PLCG2: variants seen among roughly 807,000 people sequenced by gnomAD.
PLCG2 encodes the protein phospholipase C gamma 2, also known as 1-phosphatidylinositol 4,5-bisphosphate phosphodiesterase gamma-2.
A neutral mutation model predicts 175.6 loss-of-function variants in PLCG2; 69 were observed. The ratio of observed to expected loss-of-function variants is 0.39; its 90% CI spans 0.32 to 0.48. The LOEUF is 0.48. Among genes scored for constraint, PLCG2 ranks in the 20% least tolerant of loss-of-function variants. The probability of loss-of-function intolerance (pLI) is 0.91; values close to 1 mark genes in which losing one functional copy is unlikely to be tolerated. For missense variants in PLCG2, 1,798 were observed against 1,650.9 expected (o/e 1.09, Z -1.54); for synonymous variants, 827 against 624.0 (o/e 1.33, Z -4.85).
At chr16:81,881,770 A>T (rs1193480885) in intron 8 of PLCG2, among the ~76,000 whole-genome samples, 1 of 151,758 alleles carries the variant, frequency 6.6e-6, no homozygotes, top group Non-Finnish European at 1.5e-5. Flanking sequence ...TCATCCTCCG[A>T]ATAGCTGGGA....
At chr16:81,744,531 C>A (rs1353714023) in intron 1 of PLCG2, among the ~76,000 whole-genome samples, 1 of 152,138 alleles carries the variant, frequency 6.6e-6, no homozygotes, top group Non-Finnish European at 1.5e-5. Flanking sequence ...CAAAAAAATT[C>A]CAAATCTTTT....
At chr16:81,778,019 A>AC (rs1164798341), upstream of PLCG2, among the ~76,000 whole-genome samples, 8 of 67,324 alleles carry the variant, frequency 1.2e-4, 2 homozygotes, top group African/African-American at 5.5e-4. Flanking sequence ...TTTGTCTCAA[A>AC]AAAAAAAAAA....
intron 30 of PLCG2, among the ~76,000 whole-genome samples, chr16:81,940,823 A>G (rs1202545309): frequency 1.3e-5 from 2 of 152,200 alleles, no homozygotes; most frequent in African/African-American, 4.8e-5. Flanking sequence ...TAGTTTCTCT[A>G]GTTTACTTTC....
chr16:81,761,191 C>G (rs1420622557), intron 2 of PLCG2, among the ~76,000 whole-genome samples: 1 of 152,066 alleles, frequency 6.6e-6, no homozygotes, highest in Non-Finnish European at 1.5e-5. Context: ...GCCACTTGCG[C>G]CCAGCTACAA....
intron 2 of PLCG2, among the ~76,000 whole-genome samples, chr16:81,806,607 C>G (rs1197469845): frequency 6.6e-6 from 1 of 151,876 alleles, no homozygotes; most frequent in African/African-American, 2.4e-5. Flanking sequence ...CATAGGATAG[C>G]CTGCAGACAT....
chr16:81,744,575 C>G (rs1909666533), intron 1 of PLCG2, among the ~76,000 whole-genome samples: 2 of 146,722 alleles, frequency 1.4e-5, no homozygotes, highest in African/African-American at 2.5e-5. Context: ...GATGGTGAAG[C>G]TGGTGGGGAT....
At chr16:81,869,809 G>A (rs1437705404) in intron 6 of PLCG2, among the ~76,000 whole-genome samples, 3 of 152,206 alleles carry the variant, frequency 2.0e-5, no homozygotes, top group Non-Finnish European at 2.9e-5. Flanking sequence ...TTATTGGTGG[G>A]TCTGGGCAGT....
At chr16:81,749,168 G>T (rs946525906) in intron 1 of PLCG2, among the ~76,000 whole-genome samples, 1 of 152,084 alleles carries the variant, frequency 6.6e-6, no homozygotes, top group Non-Finnish European at 1.5e-5. Context: ...TACTGGTTGG[G>T]TGGTTTATTT....
At chr16:81,745,111 G>A (rs763440574) in intron 1 of PLCG2, among the ~76,000 whole-genome samples, 13 of 152,176 alleles carry the variant, frequency 8.5e-5, no homozygotes, top group Admixed American at 4.6e-4. Flanking sequence ...CTCCAGCAAC[G>A]GGGCTGGGTT....
In PLCG2 at chr16:81,938,871, G is replaced by T; in HGVS notation, c.3269G>T (p.Cys1090Phe). 6.2e-7 allele frequency: 1 copy of T among 1,611,374 alleles called. No homozygotes were observed. The highest frequency in any genetic ancestry group is 8.5e-7 in the Non-Finnish European group (1 of 1,178,832). ...IACPFVEVEI[C>F]GAEYDNNKFK... ...TGTCCCTTTGTAGAAGTGGAGATCT[G>T]TGGAGCCGAGTATGACAACAACAAG... is the stretch of plus-strand genomic sequence containing the variant. The change falls in exon 29 of 33, where the codon TGT (cysteine) becomes TTT (phenylalanine). Residue 1090 changes from cysteine to phenylalanine, a missense_variant. Cys to Phe is a radical substitution (Grantham distance 205). Transcript: ENST00000564138.
At chr16:81,834,971 G>C (rs1418756094) in intron 2 of PLCG2, among the ~76,000 whole-genome samples, 2 of 152,172 alleles carry the variant, frequency 1.3e-5, no homozygotes, top group Non-Finnish European at 2.9e-5. Context: ...CTGGAGAACA[G>C]ACCCTGTGGG....
At position 81,927,160 on chromosome 16, in the gene PLCG2, C is replaced by T. The variant is rs766166854; in HGVS notation, c.2496C>T (p.Phe832=). The change falls in exon 23 of 33, where the codon TTC becomes TTT. Residue 832 remains phenylalanine, a synonymous_variant. Transcript: ENST00000564138. ...TCGAGGACATCTCAACTGCAGACTT[C>T]GAGGAGCTAGAAAAGCAGGTGAGTC... ...NYVEDISTAD[F]EELEKQIIED... 1.3e-5 allele frequency: 21 copies of T among 1,611,754 alleles called. No homozygotes were observed. The highest frequency in any genetic ancestry group is 8.0e-5 in the African/African-American group (6 of 74,862).
upstream of PLCG2, chr16:81,779,285 C>T (rs1254586231): frequency 1.3e-5 from 2 of 150,674 alleles, no homozygotes; most frequent in Non-Finnish European, 3.0e-5. Context: ...GCGCCGCGGC[C>T]GAAGCAGAAG....
At chr16:81,789,591 A>G (rs1209769115) in intron 2 of PLCG2, among the ~76,000 whole-genome samples, 1 of 152,140 alleles carries the variant, frequency 6.6e-6, no homozygotes, top group African/African-American at 2.4e-5. Flanking sequence ...GCCCGGCCTC[A>G]ATTCATTCTT....
intron 7 of PLCG2, among the ~76,000 whole-genome samples, chr16:81,871,645 T>A (rs1048168695): frequency 1.3e-5 from 2 of 152,184 alleles, no homozygotes; most frequent in African/African-American, 4.8e-5. Flanking sequence ...GCCCTTTATA[T>A]ACTTTTATTC....
At position 81,958,594 on chromosome 16, in the gene PLCG2, A is replaced by G. The variant is rs1369706684; in HGVS notation, c.*596A>G. 2 of 228,436 alleles carry G rather than the reference A, an allele frequency of 8.8e-6. No individual in the cohort carries two copies. The highest frequency in any genetic ancestry group is 1.7e-5 in the Non-Finnish European group (2 of 115,220). 14.2% of individuals were successfully genotyped at this position (228,436 alleles called of 1,614,324 possible). ...GTGATGGGATCTGTTCATTAAGACA[A>G]TTTCTAATTAATGGTGACAGCTTGT... On this transcript the variant is annotated 3_prime_UTR_variant, in exon 33 of 33. Transcript: ENST00000564138.
At chr16:81,768,295 C>G (rs554673672) in intron 2 of PLCG2, among the ~76,000 whole-genome samples, 109 of 152,226 alleles carry the variant, frequency 7.2e-4, no homozygotes, top group African/African-American at 2.5e-3. Flanking sequence ...GTTTGTTTAT[C>G]CAGTCACAAA....
At position 81,896,648 on chromosome 16, in the gene PLCG2, T is replaced by C. The variant is rs564788104; in HGVS notation, c.1193+721T>C. On this transcript the variant is annotated intron_variant, in intron 13 of 32. Transcript: ENST00000564138. ...CAAGGAAAGTAAAATTCCCCTTCTG[T>C]CCTAATTCCCTCTTTTGTGCCCAGT... Among the ~76,000 whole-genome samples the C allele has an allele frequency of 9.2e-5, 14 of 152,230 alleles. No homozygotes were observed. The East Asian group carries it at 2.7e-3, about 29-fold the overall frequency.
In PLCG2 at chr16:81,762,086, C is replaced by T. The variant is rs1056740879; in HGVS notation, c.-48+6120C>T. ...CTGACCTCAGGTGACCTGTGTACCT[C>T]GTCCTCCCAAAGTGCTCAGATTACA... On this transcript the variant is annotated intron_variant, in intron 2 of 5. Coordinates refer to the PLCG2 transcript ENST00000565054. Among the ~76,000 whole-genome samples, 9 of 152,032 alleles carry T rather than the reference C, an allele frequency of 5.9e-5. No homozygotes were observed. The Middle Eastern group carries it at 0.01, about 175-fold the overall frequency.
Sources: allele counts gnomAD v4.1 joint callset (sites outside exome capture counted in the v4.1 genomes callset), GRCh38; gene constraint gnomAD v4.1.1; transcripts MANE v1.5; gene names NCBI Gene and HGNC (gene_info 2026-07-23, HGNC 2026-07-21).